RAD51B: variants seen among roughly 807,000 people sequenced by gnomAD.
RAD51B encodes DNA repair protein RAD51 homolog 2.
In RAD51B, 38 loss-of-function variants were observed where a neutral mutation model predicts 42.2. The ratio of observed to expected loss-of-function variants is 0.90; its 90% CI spans 0.70 to 1.18. RAD51B has a LOEUF of 1.18. Ranked by LOEUF, RAD51B falls within the 50% of genes most tolerant of loss-of-function variation. The pLI is 0.00. For missense variants in RAD51B, 373 were observed against 400.7 expected, an observed-to-expected ratio of 0.93 and a Z score of 0.59; for synonymous variants, 154 against 145.2, an observed-to-expected ratio of 1.06 and a Z score of -0.43.
chr14:68,225,954 T>A (rs969219495), intron 7 of RAD51B, among the ~76,000 whole-genome samples: 1 of 152,192 alleles, frequency 6.6e-6, no homozygotes, highest in Non-Finnish European at 1.5e-5. Context: ...TATATTCTAT[T>A]CCTTTCGAGT....
intron 7 of RAD51B, among the ~76,000 whole-genome samples, chr14:68,127,652 CACAT>C (rs370116965): frequency 0.024 from 2,816 of 116,068 alleles, 39 homozygotes; most frequent in African/African-American, 0.037. Flanking sequence ...CACACACACA[CACAT>C]ACACACAGTA....
At chr14:68,060,595 C>G (rs755399418) in intron 7 of RAD51B, among the ~76,000 whole-genome samples, 50 of 152,156 alleles carry the variant, frequency 3.3e-4, no homozygotes, top group African/African-American at 1.1e-3. Context: ...AGCTGCTGAA[C>G]AAGAAGATCT....
At chr14:68,311,819 G>C (rs1280650151) in intron 8 of RAD51B, among the ~76,000 whole-genome samples, 1 of 152,196 alleles carries the variant, frequency 6.6e-6, no homozygotes, top group African/African-American at 2.4e-5. Flanking sequence ...CTGGGACCTG[G>C]GAGGTGGAGG....
At chr14:67,835,847 C>A (rs2041224543) in intron 4 of RAD51B, among the ~76,000 whole-genome samples, 1 of 151,568 alleles carries the variant, frequency 6.6e-6, no homozygotes, top group Non-Finnish European at 1.5e-5. Flanking sequence ...CAGAGCAAGA[C>A]CCTGTCTCAA....
chr14:68,646,745 G>A (rs1238511014), intron 10 of RAD51B, among the ~76,000 whole-genome samples: 1 of 152,142 alleles, frequency 6.6e-6, no homozygotes, highest in Non-Finnish European at 1.5e-5. Context: ...AGTGTCTTTG[G>A]AAATGGTGTT....
At chr14:68,505,245 C>T (rs1885224618) in intron 10 of RAD51B, among the ~76,000 whole-genome samples, 1 of 152,224 alleles carries the variant, frequency 6.6e-6, no homozygotes, top group African/African-American at 2.4e-5. Flanking sequence ...TAATTCATCC[C>T]TGTAACCAGA....
At chr14:68,249,218 C>G (rs1450807276) in intron 7 of RAD51B, among the ~76,000 whole-genome samples, 1 of 152,184 alleles carries the variant, frequency 6.6e-6, no homozygotes, top group Admixed American at 6.5e-5. Flanking sequence ...TGCCACAGGA[C>G]ACACTAAGCT....
intron 7 of RAD51B, among the ~76,000 whole-genome samples, chr14:67,969,159 G>A (rs1237968144): frequency 2.0e-5 from 3 of 152,128 alleles, no homozygotes; most frequent in African/African-American, 4.8e-5. Flanking sequence ...CTCCCACAAC[G>A]TGTAGGAATT....
intron 9 of RAD51B, among the ~76,000 whole-genome samples, chr14:68,438,421 A>C (rs2085199700): frequency 6.6e-6 from 1 of 152,128 alleles, no homozygotes; most frequent in Non-Finnish European, 1.5e-5. Context: ...TAAAGGAGAA[A>C]AAGGAGGCCT....
intron 7 of RAD51B, among the ~76,000 whole-genome samples, chr14:67,956,737 A>G (rs537979502): frequency 2.0e-5 from 3 of 152,360 alleles, no homozygotes; most frequent in Admixed American, 6.5e-5. Flanking sequence ...GCACTGTCCA[A>G]TATGTTAACC....
intron 10 of RAD51B, among the ~76,000 whole-genome samples, chr14:68,516,898 T>C (rs1376926930): frequency 6.6e-6 from 1 of 152,252 alleles, no homozygotes; most frequent in Non-Finnish European, 1.5e-5. Context: ...AAGTTCACTA[T>C]GGCAGATACA....
intron 4 of RAD51B, among the ~76,000 whole-genome samples, chr14:67,861,981 G>T (rs1261792573): frequency 6.6e-6 from 1 of 151,800 alleles, no homozygotes; most frequent in Non-Finnish European, 1.5e-5. Flanking sequence ...TCAGTGGGGG[G>T]GAAGGGGGAA....
chr14:68,661,234 A>G (rs538345833), intron 11 of RAD51B, among the ~76,000 whole-genome samples: 1 of 152,206 alleles, frequency 6.6e-6, no homozygotes, highest in Non-Finnish European at 1.5e-5. Flanking sequence ...AAGGGAACCA[A>G]CTCTGAGATT....
At chr14:68,210,959 A>G (rs2079693120) in intron 7 of RAD51B, among the ~76,000 whole-genome samples, 1 of 152,212 alleles carries the variant, frequency 6.6e-6, no homozygotes, top group South Asian at 2.1e-4. Context: ...TCATTTTCGC[A>G]TTCCATTCTT....
rs1278250291 is a variant in RAD51B, at chr14:68,648,039, ACACG to A, written c.1037-2741_1037-2738del. On this transcript the variant is annotated intron_variant, in intron 10 of 11. Coordinates refer to the RAD51B transcript ENST00000488612. Reference sequence around the variant, plus strand: ...TATATATACGTATATATATATATACACACGTATATAGATGTGTGTGTGTATATAT... The same window carrying A: ...TATATATACGTATATATATATATACATATATAGATGTGTGTGTGTATATAT... Among the ~76,000 whole-genome samples, 14 of 137,326 alleles carry A rather than the reference ACACG, an allele frequency of 1.0e-4. 1 individual carries two copies. The highest frequency in any genetic ancestry group is 4.6e-4 in the South Asian group (2 of 4,358). The allele number at this position is 137,326 out of a possible 152,430, so 90.1% of individuals were successfully genotyped here. A position where few individuals can be genotyped will look rare whatever the true frequency, so the allele number is the denominator to read the frequency against.
At chr14:68,361,631 G>C (rs975375747) in intron 8 of RAD51B, among the ~76,000 whole-genome samples, 4 of 152,066 alleles carry the variant, frequency 2.6e-5, no homozygotes, top group African/African-American at 4.8e-5. Context: ...CTTGTTTCAT[G>C]TATCTTATTC....
intron 10 of RAD51B, among the ~76,000 whole-genome samples, chr14:68,594,027 G>C (rs895084570): frequency 6.6e-6 from 1 of 152,208 alleles, no homozygotes; most frequent in African/African-American, 2.4e-5. Context: ...GGCCTGTCAG[G>C]CTGGGCAGGG....
chr14:68,572,069 G>C (rs1889734582), intron 10 of RAD51B, among the ~76,000 whole-genome samples: 1 of 152,196 alleles, frequency 6.6e-6, no homozygotes, highest in African/African-American at 2.4e-5. Context: ...ACAGACCCCA[G>C]TGTGTGGCTG....
At chr14:68,063,926 T>C (rs1232203486) in intron 7 of RAD51B, among the ~76,000 whole-genome samples, 2 of 152,216 alleles carry the variant, frequency 1.3e-5, no homozygotes, top group African/African-American at 4.8e-5. Context: ...TTTCTGCTGT[T>C]TTATATGTCC....
Sources: allele counts gnomAD v4.1 joint callset (sites outside exome capture counted in the v4.1 genomes callset), GRCh38; gene constraint gnomAD v4.1.1; transcripts MANE v1.5; gene names NCBI Gene and HGNC (gene_info 2026-07-23, HGNC 2026-07-21).